HHAT: variants seen among roughly 807,000 people sequenced by gnomAD.
HHAT encodes the protein hedgehog acyltransferase, also known as protein-cysteine N-palmitoyltransferase HHAT.
HHAT carries 47 observed loss-of-function variants against 70.8 expected under a neutral mutation model. That is an observed-to-expected ratio of 0.66 (90% confidence interval 0.53 to 0.85). The LOEUF (loss-of-function observed/expected upper bound fraction) is 0.85, where lower values mean the gene tolerates loss of function less well. HHAT is among the 40% of genes least tolerant of loss of function. The pLI, the probability that HHAT is intolerant of heterozygous loss-of-function variation, is 0.00. For synonymous variants in HHAT, 228 were observed against 247.6 expected, an observed-to-expected ratio of 0.92 and a Z score of 0.74; for missense variants, 609 against 604.8, an observed-to-expected ratio of 1.01 and a Z score of -0.07.
rs986239678 is a variant in HHAT, at chr1:210,419,479, C to T, written c.856+1154C>T. ...CTTGTTCTCTCTCCTTTTGAGGACT[C>T]CCGCAGTGGCTGACTTCTGCCTGTG... On this transcript the variant is annotated intron_variant, in intron 7 of 11. Coordinates refer to ENST00000261458, the MANE Select transcript of HHAT (RefSeq NM_018194.6). Among the ~76,000 whole-genome samples, 9 of 152,176 alleles carry T rather than the reference C, an allele frequency of 5.9e-5. 1 individual carries two copies. Among genetic ancestry groups the T allele is most frequent in the Admixed American group, 6.5e-5 (1 of 15,274 alleles).
chr1:210,584,099 C>T (rs1347191160), intron 9 of HHAT, among the ~76,000 whole-genome samples: 10 of 151,650 alleles, frequency 6.6e-5, no homozygotes, highest in African/African-American at 1.7e-4. Flanking sequence ...TGCACCACCA[C>T]GCCTGGCTAA....
chr1:210,363,358 G>A (rs1449961169), intron 3 of HHAT, among the ~76,000 whole-genome samples: 1 of 152,186 alleles, frequency 6.6e-6, no homozygotes, highest in African/African-American at 2.4e-5. Context: ...CTCTGGTAGG[G>A]CGGTGCCAGG....
At chr1:210,584,621 C>T (rs1660027890) in intron 9 of HHAT, among the ~76,000 whole-genome samples, 1 of 152,160 alleles carries the variant, frequency 6.6e-6, no homozygotes, top group Admixed American at 6.5e-5. Context: ...CATCCAACCC[C>T]TCGTTTGTGT....
chr1:210,436,777 A>G (rs2093386973), intron 7 of HHAT, among the ~76,000 whole-genome samples: 1 of 151,796 alleles, frequency 6.6e-6, no homozygotes, highest in African/African-American at 2.4e-5. Flanking sequence ...TCCATTGTGT[A>G]GGAGTAACTC....
chr1:210,413,736 G>A (rs1249013842), intron 6 of HHAT, among the ~76,000 whole-genome samples: 1 of 152,114 alleles, frequency 6.6e-6, no homozygotes, highest in African/African-American at 2.4e-5. Context: ...TCATCAGATT[G>A]GCCTTTACCA....
At chr1:210,483,144 A>G (rs1178171917) in intron 8 of HHAT, among the ~76,000 whole-genome samples, 1 of 152,166 alleles carries the variant, frequency 6.6e-6, no homozygotes, top group South Asian at 2.1e-4. Flanking sequence ...TTCTGTTTCA[A>G]TGGCCCTTTG....
chr1:210,468,777 G>A (rs1331016522), intron 8 of HHAT, among the ~76,000 whole-genome samples: 3 of 152,120 alleles, frequency 2.0e-5, no homozygotes, highest in African/African-American at 7.2e-5. Flanking sequence ...ATATTATCAT[G>A]TCTACTGGGA....
chr1:210,506,516 G>T (rs2094857062), intron 8 of HHAT, among the ~76,000 whole-genome samples: 1 of 152,178 alleles, frequency 6.6e-6, no homozygotes, highest in South Asian at 2.1e-4. Flanking sequence ...AAGGAGCTAA[G>T]AATAATATGT....
At chr1:210,376,500 A>T (rs1027705978) in intron 3 of HHAT, among the ~76,000 whole-genome samples, 1 of 152,254 alleles carries the variant, frequency 6.6e-6, no homozygotes, top group African/African-American at 2.4e-5. Flanking sequence ...CTTAGGCATC[A>T]TAAATGAGTT....
At chr1:210,657,494 G>C (rs955553995) in intron 11 of HHAT, among the ~76,000 whole-genome samples, 1 of 152,126 alleles carries the variant, frequency 6.6e-6, no homozygotes, top group Non-Finnish European at 1.5e-5. Flanking sequence ...GCTCATCATC[G>C]CTTCTGAGAG....
intron 1 of HHAT, among the ~76,000 whole-genome samples, chr1:210,334,684 TTTTTA>T (rs2085321382): frequency 6.6e-6 from 1 of 150,802 alleles, no homozygotes; most frequent in Non-Finnish European, 1.5e-5. Context: ...TATTTTTTTA[TTTTTA>T]TTTTTATTTT....
chr1:210,642,803 TA>T (rs1673225109), intron 11 of HHAT, among the ~76,000 whole-genome samples: 2 of 152,202 alleles, frequency 1.3e-5, no homozygotes, highest in South Asian at 4.1e-4. Context: ...TTCCATTTTT[TA>T]CTCTTTTAAT....
chr1:210,390,520 A>C (rs2091391187), intron 4 of HHAT, among the ~76,000 whole-genome samples: 1 of 152,100 alleles, frequency 6.6e-6, no homozygotes, highest in South Asian at 2.1e-4. Flanking sequence ...TTTTTCTTTC[A>C]GTAGTTTTCG....
rs1431490514 is a variant in HHAT at position 210,579,802 on chromosome 1, G to C, written c.1044-8096G>C. Among the ~76,000 whole-genome samples the C allele has an allele frequency of 2.0e-5, 3 of 152,124 alleles. No individual in the cohort carries two copies. In the East Asian group the frequency reaches 5.8e-4, roughly 29 times the overall value. ...AAATGTGCTTGGACTGAGCCATTCA[G>C]ACTCTCTCAGCCTCTCTTTCTGTGA... On this transcript the variant is annotated intron_variant, in intron 9 of 11. Coordinates refer to ENST00000261458, the MANE Select transcript of HHAT (RefSeq NM_018194.6).
intron 9 of HHAT, among the ~76,000 whole-genome samples, chr1:210,566,357 A>C (rs138921144): frequency 6.6e-6 from 1 of 152,180 alleles, no homozygotes; most frequent in Non-Finnish European, 1.5e-5. Flanking sequence ...GACAGGAGAC[A>C]GGGAAATACT....
chr1:210,402,901 A>T (rs1382079815), intron 5 of HHAT, among the ~76,000 whole-genome samples: 1 of 152,162 alleles, frequency 6.6e-6, no homozygotes, highest in Non-Finnish European at 1.5e-5. Flanking sequence ...GAGATGGATG[A>T]CCTGGTTCCT....
At chr1:210,392,419 C>T (rs2091516679) in intron 4 of HHAT, among the ~76,000 whole-genome samples, 1 of 152,056 alleles carries the variant, frequency 6.6e-6, no homozygotes, top group African/African-American at 2.4e-5. Context: ...CCCAGGGCAC[C>T]TTTCTAGATA....
intron 8 of HHAT, among the ~76,000 whole-genome samples, chr1:210,508,485 G>C (rs1196819605): frequency 1.3e-5 from 2 of 149,646 alleles, no homozygotes; most frequent in Non-Finnish European, 3.0e-5. Flanking sequence ...ACAGTTTATA[G>C]TTTTAAATAT....
intron 8 of HHAT, among the ~76,000 whole-genome samples, chr1:210,512,839 C>T (rs2094983164): frequency 6.6e-6 from 1 of 152,104 alleles, no homozygotes; most frequent in South Asian, 2.1e-4. Flanking sequence ...AGAGAGCTTA[C>T]ACTTGCTGAG....
Sources: gnomAD v4.1 joint callset for allele counts (sites outside exome capture counted in the v4.1 genomes callset) on GRCh38, gnomAD v4.1.1 for gene constraint, MANE v1.5 for transcripts, NCBI Gene and HGNC (gene_info 2026-07-23, HGNC 2026-07-21) for gene names.